Variants in PAPOLG observed in about 807,000 individuals in gnomAD.
PAPOLG encodes the protein poly(A) polymerase gamma.
PAPOLG carries 40 observed loss-of-function variants against 99.0 expected under a neutral mutation model. That is an observed-to-expected ratio of 0.40 (90% CI 0.31 to 0.53). The LOEUF (loss-of-function observed/expected upper bound fraction) is 0.53. Ranked by LOEUF, PAPOLG falls within the 20% of genes least tolerant of loss-of-function variation. The pLI is 0.41. For missense variants in PAPOLG, 675 were observed against 884.1 expected (o/e 0.76, Z 3.00); for synonymous variants, 310 against 299.3 (o/e 1.04, Z -0.37).
Position 60,787,603 on chromosome 2 carries a change from A to G in PAPOLG, c.1379A>G (p.Gln460Arg), listed in dbSNP as rs1671403973. 1 of 1,613,538 alleles carries G rather than the reference A, an allele frequency of 6.2e-7. No homozygotes were observed. Among genetic ancestry groups the G allele is most frequent in the African/African-American group, 1.3e-5 (1 of 74,936 alleles). ...SVNIDLTYDI[Q>R]SFTDTVYRQA... is the part of the protein sequence containing the mutation. ...AACATAGACTTGACATATGATATAC[A>G]GTCATTTACTGATACAGGTAAGACT... Residue 460 changes from glutamine (Q) to arginine (R), a missense_variant, in exon 15 of 22, where the codon CAG becomes CGG. Transcript: ENST00000238714.
At position 60,797,071 on chromosome 2, in the gene PAPOLG, A is replaced by G. The variant is rs1005795430; in HGVS notation, c.2122A>G (p.Ser708Gly). Reference protein sequence around the residue: ...IDTSRKKRLPSKELPDSSSPV... With the variant: ...IDTSRKKRLPGKELPDSSSPV... ...TCTTTCTTTCTAATAGAGACTACCC[A>G]GTAAAGAACTACCAGATTCATCATC... Residue 708 changes from serine to glycine, a missense_variant, in exon 22 of 22, where the codon AGT becomes GGT. This residue lies in a region of PAPOLG where 413 missense variants were observed against 460.5 expected (regional missense o/e 0.90). Transcript: ENST00000238714. 3 of 1,611,918 alleles carry G rather than the reference A, an allele frequency of 1.9e-6. No homozygotes were observed. The highest frequency in any genetic ancestry group is 1.7e-5 in the Admixed American group (1 of 59,994).
chr2:60,796,853 T>C lies in PAPOLG; in HGVS notation c.2113-209T>C, dbSNP rs538234422. ...TACCCTTTCTCTTATCCCTCTGCTT[T>C]TCACCTCTGACTGTAAAAAGAAGTA... is the stretch of plus-strand genomic sequence containing the variant. On this transcript the variant is annotated intron_variant, in intron 21 of 21. Transcript: ENST00000238714. Among the ~76,000 whole-genome samples the C allele has an allele frequency of 4.6e-5, 7 of 152,246 alleles. No homozygotes were observed. In the South Asian group the frequency reaches 1.4e-3, roughly 32 times the overall value.
intron 2 of PAPOLG, 140 bp downstream of exon 2, chr2:60,760,435 C>T (rs1353274438): frequency 2.8e-6 from 2 of 719,738 alleles, no homozygotes; most frequent in African/African-American, 1.8e-5. Flanking sequence ...TTGGAGCTTA[C>T]ATTTTAGGTA....
intron 10 of PAPOLG, among the ~76,000 whole-genome samples, chr2:60,781,239 T>C (rs1671179004): frequency 6.6e-6 from 1 of 151,886 alleles, no homozygotes; most frequent in Non-Finnish European, 1.5e-5. Context: ...CACCTGTAGT[T>C]CCAGCTACTC....
chr2:60,786,414 A>G (rs2103811758), intron 13 of PAPOLG, among the ~76,000 whole-genome samples: 1 of 151,896 alleles, frequency 6.6e-6, no homozygotes, highest in East Asian at 1.9e-4. Flanking sequence ...TATTTTTAGT[A>G]AAGACAGGGT....
chr2:60,771,753 A>G (rs1475908665), intron 7 of PAPOLG, 123 bp downstream of exon 7: 2 of 1,043,690 alleles, frequency 1.9e-6, no homozygotes, highest in Non-Finnish European at 2.7e-6. Context: ...AATTTTCCTT[A>G]TACAGATAAT....
intron 1 of PAPOLG, among the ~76,000 whole-genome samples, chr2:60,758,323 C>G (rs13419985): frequency 2.0e-5 from 1 of 51,128 alleles, no homozygotes; most frequent in Non-Finnish European, 3.9e-5. Flanking sequence ...ATTTTGGTTT[C>G]TGGGGTTTTT....
At chr2:60,764,372 G>T (rs1670610818) in intron 3 of PAPOLG, among the ~76,000 whole-genome samples, 1 of 151,788 alleles carries the variant, frequency 6.6e-6, no homozygotes, top group South Asian at 2.1e-4. Context: ...GTCCCTTTCT[G>T]CCCCTTAATC....
In PAPOLG at chr2:60,798,329, C is replaced by T. The variant is rs1573265375; in HGVS notation, c.*1169C>T. ...TTTTTAAGTTTCATGAATGCATGCT[C>T]AGTTTATTAAAATCCATAACCATGT... On this transcript the variant is annotated 3_prime_UTR_variant, in exon 22 of 22. Transcript: ENST00000238714. 6.5e-6 allele frequency: 1 copy of T among 152,742 alleles called. No individual in the cohort carries two copies. Among genetic ancestry groups the T allele is most frequent in the Non-Finnish European group, 1.5e-5 (1 of 68,022 alleles). 9.5% of individuals were successfully genotyped at this position (152,742 alleles called of 1,614,324 possible). A position where few individuals can be genotyped will look rare whatever the true frequency, so the allele number is the denominator to read the frequency against.
intron 10 of PAPOLG, among the ~76,000 whole-genome samples, chr2:60,781,375 G>T (rs1236513452): frequency 6.6e-6 from 1 of 152,076 alleles, no homozygotes; most frequent in Non-Finnish European, 1.5e-5. Context: ...AAAGTAATTG[G>T]TTACTAATAA....
chr2:60,795,683 A>C (rs1434568023), intron 21 of PAPOLG, among the ~76,000 whole-genome samples: 2 of 150,874 alleles, frequency 1.3e-5, no homozygotes, highest in African/African-American at 4.9e-5. Flanking sequence ...GATAATTATA[A>C]ATTATAATTT....
intron 13 of PAPOLG, among the ~76,000 whole-genome samples, chr2:60,785,078 A>G (rs750386094): frequency 5.3e-5 from 8 of 152,214 alleles, no homozygotes; most frequent in South Asian, 2.1e-4. Flanking sequence ...AATTGCAGAA[A>G]TCCGATGAGA....
intron 17 of PAPOLG, 139 bp downstream of exon 17, chr2:60,792,428 G>C (rs1285781132): frequency 1.2e-6 from 1 of 847,034 alleles, no homozygotes; most frequent in Non-Finnish European, 1.8e-6. Flanking sequence ...TCAATTTCTT[G>C]CTTAGAAATA....
chr2:60,756,616 T>G (rs1670349087), intron 1 of PAPOLG, 121 bp downstream of exon 1: 4 of 1,121,382 alleles, frequency 3.6e-6, no homozygotes, highest in Non-Finnish European at 2.5e-6. Flanking sequence ...CGGGATGGTC[T>G]CCTTCCCGGC....
At chr2:60,788,710 T>A (rs932720242) in intron 15 of PAPOLG, among the ~76,000 whole-genome samples, 2 of 152,134 alleles carry the variant, frequency 1.3e-5, no homozygotes, top group Non-Finnish European at 2.9e-5. Context: ...ACTTGATTTT[T>A]GCCAGGCACG....
intron 12 of PAPOLG, 27 bp from the exon 13 acceptor site, chr2:60,783,129 T>A: frequency 6.5e-7 from 1 of 1,547,336 alleles, no homozygotes; most frequent in Non-Finnish European, 8.7e-7. Context: ...TGGCTTTTTT[T>A]CCTGATTGTT....
rs956662868 is a variant in PAPOLG, at chr2:60,757,894, G to C, written c.17+1399G>C. Among the ~76,000 whole-genome samples, 39 of 152,182 alleles carry C rather than the reference G, an allele frequency of 2.6e-4. 1 individual carries two copies. The highest frequency in any genetic ancestry group is 2.2e-3 in the Admixed American group (33 of 15,268). On this transcript the variant is annotated intron_variant, in intron 1 of 21. Transcript: ENST00000238714. The stretch of plus-strand genomic sequence containing the variant: ...ACCTGGATTTGGAATTTTAGGGCCA[G>C]TAGGCTAGTTGGCCAACTTTGTCAG...
At chr2:60,758,582 C>A (rs1399118130) in intron 1 of PAPOLG, among the ~76,000 whole-genome samples, 1 of 152,008 alleles carries the variant, frequency 6.6e-6, no homozygotes, top group East Asian at 1.9e-4. Context: ...CGTCCGCCAC[C>A]ATGCCCAGCT....
intron 11 of PAPOLG, 109 bp from the exon 12 acceptor site, chr2:60,782,577 T>A (rs1671222726): frequency 7.4e-7 from 1 of 1,348,160 alleles, no homozygotes; most frequent in Non-Finnish European, 9.6e-7. Flanking sequence ...AAAAAAAAAT[T>A]TCGTCTGGTG....
Sources: allele counts gnomAD v4.1 joint callset (sites outside exome capture counted in the v4.1 genomes callset), GRCh38; gene constraint gnomAD v4.1.1; regional missense constraint gnomAD v4.1.1; transcripts MANE v1.5; gene names NCBI Gene and HGNC (gene_info 2026-07-23, HGNC 2026-07-21).